Variants in CNTNAP2 observed in about 807,000 individuals in gnomAD.
CNTNAP2 encodes contactin associated protein 2.
In CNTNAP2, 98 loss-of-function variants were observed where a neutral mutation model predicts 155.2. That is an observed-to-expected ratio of 0.63 (90% CI 0.54 to 0.75). The LOEUF is 0.75. Ranked by LOEUF, CNTNAP2 falls within the 30% of genes least tolerant of loss-of-function variation. CNTNAP2 has a pLI of 0.00. For missense variants in CNTNAP2, 1,727 were observed against 1,688.1 expected (o/e 1.02, Z -0.40); for synonymous variants, 651 against 631.2 (o/e 1.03, Z -0.47).
At chr7:146,736,038 A>C (rs908499673) in intron 1 of CNTNAP2, among the ~76,000 whole-genome samples, 7 of 152,182 alleles carry the variant, frequency 4.6e-5, no homozygotes, top group Non-Finnish European at 8.8e-5. Context: ...TACAATTATT[A>C]TAGGTCAATT....
At chr7:146,499,660 C>A (rs1406381703) in intron 1 of CNTNAP2, among the ~76,000 whole-genome samples, 1 of 151,602 alleles carries the variant, frequency 6.6e-6, no homozygotes, top group East Asian at 2.0e-4. Flanking sequence ...TATCATTGTT[C>A]AACTCCTACT....
chr7:147,965,498 C>G (rs1801193989), intron 14 of CNTNAP2, among the ~76,000 whole-genome samples: 1 of 151,584 alleles, frequency 6.6e-6, no homozygotes, highest in Non-Finnish European at 1.5e-5. Flanking sequence ...TACTAGATCC[C>G]TTTGTGTCCC....
At chr7:147,266,084 T>G (rs1804601509) in intron 8 of CNTNAP2, among the ~76,000 whole-genome samples, 2 of 152,126 alleles carry the variant, frequency 1.3e-5, no homozygotes, top group Admixed American at 1.3e-4. Context: ...GTGCCTCTTC[T>G]CCAAACAATC....
At chr7:147,118,957 A>G (rs1376116640) in intron 5 of CNTNAP2, among the ~76,000 whole-genome samples, 1 of 152,208 alleles carries the variant, frequency 6.6e-6, no homozygotes, top group Non-Finnish European at 1.5e-5. Context: ...TGCTTCTAAT[A>G]ACGAACGTGT....
intron 15 of CNTNAP2, among the ~76,000 whole-genome samples, chr7:148,038,709 A>C (rs369029841): frequency 9.2e-5 from 14 of 152,220 alleles, no homozygotes; most frequent in Admixed American, 3.3e-4. Flanking sequence ...CCATGATTTC[A>C]TTTGATGCCC....
At chr7:148,029,105 A>C (rs971759055) in intron 15 of CNTNAP2, among the ~76,000 whole-genome samples, 4 of 67,816 alleles carry the variant, frequency 5.9e-5, no homozygotes, top group African/African-American at 8.7e-5. Flanking sequence ...TGGGCAACAC[A>C]CTTTTAACCT....
In CNTNAP2 at chr7:146,242,549, A is replaced by G. The variant is rs531480101; in HGVS notation, c.97+125576A>G. Among the ~76,000 whole-genome samples, 15 of 151,664 alleles carry G rather than the reference A, an allele frequency of 9.9e-5. No homozygotes were observed. The South Asian group carries it at 3.1e-3, about 32-fold the overall frequency. On this transcript the variant is annotated intron_variant, in intron 1 of 23. Coordinates refer to ENST00000361727, the MANE Select transcript of CNTNAP2 (RefSeq NM_014141.6). ...TGAGACTCTGTCTCAAAAAAAAAAA[A>G]GGAGAGAAAAAGAAAAAACAAAACC...
At chr7:146,263,680 G>A (rs371991845) in intron 1 of CNTNAP2, among the ~76,000 whole-genome samples, 1 of 152,262 alleles carries the variant, frequency 6.6e-6, no homozygotes, top group African/African-American at 2.4e-5. Context: ...AGTAGAGAAC[G>A]GAAAATCTGG....
At chr7:146,587,039 T>A (rs917510066) in intron 1 of CNTNAP2, among the ~76,000 whole-genome samples, 29 of 152,284 alleles carry the variant, frequency 1.9e-4, no homozygotes, top group African/African-American at 5.1e-4. Context: ...TTTTATTTTT[T>A]TTTTTTTAAC....
chr7:146,745,932 G>T (rs1202169817), intron 1 of CNTNAP2, among the ~76,000 whole-genome samples: 1 of 152,158 alleles, frequency 6.6e-6, no homozygotes, highest in East Asian at 1.9e-4. Flanking sequence ...TAATCAAACA[G>T]ATGTGCTTTC....
intron 2 of CNTNAP2, among the ~76,000 whole-genome samples, chr7:146,790,504 T>G (rs1250560659): frequency 6.6e-6 from 1 of 152,226 alleles, no homozygotes; most frequent in African/African-American, 2.4e-5. Context: ...TAGGGATGTT[T>G]ATTGGATACG....
At chr7:147,325,234 A>G (rs1447677415) in intron 9 of CNTNAP2, among the ~76,000 whole-genome samples, 1 of 152,154 alleles carries the variant, frequency 6.6e-6, no homozygotes, top group Admixed American at 6.6e-5. Context: ...CAGGAGGTGG[A>G]GGTTGCAGTG....
At chr7:146,671,813 TG>T (rs1318740240) in intron 1 of CNTNAP2, among the ~76,000 whole-genome samples, 1 of 151,856 alleles carries the variant, frequency 6.6e-6, no homozygotes, top group African/African-American at 2.4e-5. Flanking sequence ...TTTTTTATTT[TG>T]TTTTTATTTT....
intron 20 of CNTNAP2, among the ~76,000 whole-genome samples, chr7:148,232,343 A>G (rs1285278176): frequency 1.3e-5 from 2 of 152,142 alleles, no homozygotes; most frequent in Admixed American, 1.3e-4. Context: ...TAACACTGCA[A>G]TTTTTTCTTA....
At chr7:147,450,242 G>C (rs1414619841) in intron 10 of CNTNAP2, among the ~76,000 whole-genome samples, 2 of 152,192 alleles carry the variant, frequency 1.3e-5, no homozygotes, top group African/African-American at 4.8e-5. Context: ...TGCCATTCCT[G>C]ACTTGAAGTT....
chr7:147,466,736 G>A (rs557702684), intron 10 of CNTNAP2, among the ~76,000 whole-genome samples: 34 of 152,218 alleles, frequency 2.2e-4, no homozygotes, highest in Non-Finnish European at 4.0e-4. Flanking sequence ...GGCCAACATG[G>A]TGATACCCCC....
intron 8 of CNTNAP2, among the ~76,000 whole-genome samples, chr7:147,224,079 G>C (rs1803468854): frequency 1.3e-5 from 2 of 151,856 alleles, no homozygotes; most frequent in Admixed American, 6.6e-5. Flanking sequence ...AGAGGTTTTT[G>C]CTTCAGCATG....
At chr7:147,269,782 A>C (rs1804698514) in intron 8 of CNTNAP2, among the ~76,000 whole-genome samples, 6 of 152,150 alleles carry the variant, frequency 3.9e-5, no homozygotes, top group Admixed American at 3.9e-4. Context: ...AGCTTGTTAC[A>C]ATGGCTCATA....
chr7:148,263,376 A>G (rs189450460), intron 20 of CNTNAP2: 50 of 152,322 alleles, frequency 3.3e-4, no homozygotes, highest in African/African-American at 1.2e-3. Flanking sequence ...AGGATCACCG[A>G]GAAGCAAGAT....
Sources: gnomAD v4.1 joint callset for allele counts (sites outside exome capture counted in the v4.1 genomes callset) on GRCh38, gnomAD v4.1.1 for gene constraint, MANE v1.5 for transcripts, NCBI Gene and HGNC (gene_info 2026-07-23, HGNC 2026-07-21) for gene names.